RPL3L: variants seen among roughly 807,000 people sequenced by gnomAD.
The protein encoded by RPL3L is ribosomal protein L3 like.
In RPL3L, 44 loss-of-function variants were observed where a neutral mutation model predicts 44.5. The observed-to-expected ratio is 0.99, with a 90% CI of 0.78 to 1.27. RPL3L has a LOEUF of 1.27. Ranked by LOEUF, RPL3L falls within the 50% of genes most tolerant of loss-of-function variation. The pLI, the probability that RPL3L is intolerant of heterozygous loss-of-function variation, is 0.00. For synonymous variants in RPL3L, 292 were observed against 230.7 expected (o/e 1.27, Z -2.41); for missense variants, 631 against 569.1 (o/e 1.11, Z -1.11).
rs548613684 is a variant in RPL3L at position 1,953,884 on chromosome 16, C to T, written c.196+72G>A. ...ACTGTGGCCCTGTCTGGACCAAAAG[C>T]GTGAGTTCTGGCTCCGAGCATCTGG... On this transcript the variant is annotated intron_variant, in intron 2 of 9. Coordinates refer to ENST00000268661, the MANE Select transcript of RPL3L (RefSeq NM_005061.3). The T allele has an allele frequency of 6.0e-4, 827 of 1,375,338 alleles. 3 individuals are homozygous for T. Among genetic ancestry groups the T allele is most frequent in the South Asian group, 1.2e-3 (72 of 58,190 alleles). 85.2% of individuals were successfully genotyped at this position (1,375,338 alleles called of 1,614,324 possible). A position where few individuals can be genotyped will look rare whatever the true frequency, so the allele number is the denominator to read the frequency against.
chr16:1,950,211 T>C, intron 4 of RPL3L, among the ~76,000 whole-genome samples: 1 of 151,582 alleles, frequency 6.6e-6, no homozygotes, highest in East Asian at 1.9e-4. Flanking sequence ...GGGCAGGTAT[T>C]TACAGAGCAC....
At chr16:1,954,575 C>G (rs1248775109) in intron 1 of RPL3L, 54 bp downstream of exon 1, 3 of 1,519,228 alleles carry the variant, frequency 2.0e-6, no homozygotes, top group South Asian at 2.5e-5. Context: ...GCTGTCCCAC[C>G]CCCCCAGAGT....
At chr16:1,947,410 G>T (rs141895087) in intron 4 of RPL3L, 30 bp from the exon 5 acceptor site, 2 of 1,511,566 alleles carry the variant, frequency 1.3e-6, no homozygotes, top group African/African-American at 2.8e-5. Flanking sequence ...GTCACGCCAC[G>T]GCCCACGGGA....
intron 9 of RPL3L, among the ~76,000 whole-genome samples, 185 bp from the exon 10 acceptor site, chr16:1,945,078 G>C (rs572230718): frequency 6.6e-6 from 1 of 151,674 alleles, no homozygotes; most frequent in South Asian, 2.1e-4. Flanking sequence ...CCTGCAGGCC[G>C]GGCACGGTGG....
chr16:1,945,582 T>C lies in RPL3L; in HGVS notation c.1084A>G (p.Asn362Asp), dbSNP rs377762078. The C allele has an allele frequency of 6.2e-7, 1 of 1,613,828 alleles. No individual in the cohort carries two copies. Among genetic ancestry groups the C allele is most frequent in the African/African-American group, 1.3e-5 (1 of 74,986 alleles). ...GTGTCAATGAACTTGAGCTCAATAT[T>C]CTCCACGGCTTGGCGACTGTGATGC... is the stretch of plus-strand genomic sequence containing the variant. ...LVHHSRQAVE[N>D]IELKFIDTTS... The change falls in exon 9 of 10, where the codon AAT becomes GAT. Residue 362 changes from asparagine (N) to aspartate (D), a missense_variant. Asn to Asp is a conservative substitution (Grantham distance 23, BLOSUM62 1). Coordinates refer to ENST00000268661, the MANE Select transcript of RPL3L (RefSeq NM_005061.3).
At chr16:1,949,261 T>TTTC (rs2083151179) in intron 4 of RPL3L, among the ~76,000 whole-genome samples, 2 of 82,886 alleles carry the variant, frequency 2.4e-5, no homozygotes, top group Non-Finnish European at 4.8e-5. Context: ...TTTTTTTTCT[T>TTTC]TTTTTTTTTT....
At chr16:1,945,742 C>G (rs1032657263) in intron 8 of RPL3L, 93 bp downstream of exon 8, 14 of 1,603,412 alleles carry the variant, frequency 8.7e-6, no homozygotes, top group South Asian at 7.7e-5. Flanking sequence ...CCCTTCTGCT[C>G]CCACCACTCC....
At chr16:1,950,461 G>A (rs1468537904) in intron 4 of RPL3L, among the ~76,000 whole-genome samples, 1 of 152,084 alleles carries the variant, frequency 6.6e-6, no homozygotes, top group Non-Finnish European at 1.5e-5. Context: ...GAATAAGCTG[G>A]AGGGTGCCGC....
At chr16:1,954,417 C>T (rs942852861) in intron 1 of RPL3L, among the ~76,000 whole-genome samples, 1 of 152,112 alleles carries the variant, frequency 6.6e-6, no homozygotes, top group African/African-American at 2.4e-5. Flanking sequence ...GCCAAGGGCT[C>T]CTGGGGCAGG....
Position 1,944,657 on chromosome 16 carries a change from C to G in RPL3L, c.*180G>C. ...CACAGCCAGCTCTGTGTGAATTACT[C>G]TTTCTCTATTGCAATTCCCCTGTCT... On this transcript the variant is annotated 3_prime_UTR_variant, in exon 10 of 10. Transcript: ENST00000268661. The G allele has an allele frequency of 1.5e-6, 1 of 680,572 alleles. No homozygotes were observed. Among genetic ancestry groups the G allele is most frequent in the Non-Finnish European group, 2.6e-6 (1 of 386,536 alleles). 42.2% of individuals were successfully genotyped at this position (680,572 alleles called of 1,614,324 possible).
rs377171240 is a variant in RPL3L, at chr16:1,946,746, G to A, written c.850-20C>T. 9.3e-6 allele frequency: 15 copies of A among 1,610,920 alleles called. No homozygotes were observed. The South Asian group carries it at 1.5e-4, about 17-fold the overall frequency. On this transcript the variant is annotated intron_variant, in intron 6 of 9. Coordinates refer to ENST00000268661, the MANE Select transcript of RPL3L (RefSeq NM_005061.3). ...GAAGATCTGCCAGAAGGGGGCACAT[G>A]CCAGGGGCAGGAAGTGGCCTCTGAG...
intron 4 of RPL3L, among the ~76,000 whole-genome samples, chr16:1,948,915 C>T (rs1249632289): frequency 4.6e-5 from 7 of 151,888 alleles, no homozygotes; most frequent in South Asian, 4.1e-4. Context: ...GGGGTTTCAC[C>T]GCGTTAGCTA....
intron 3 of RPL3L, among the ~76,000 whole-genome samples, chr16:1,951,695 T>G (rs2083172727): frequency 6.6e-6 from 1 of 151,206 alleles, no homozygotes; most frequent in African/African-American, 2.4e-5. Flanking sequence ...AGCCATAGTT[T>G]CTAACCCTCA....
At chr16:1,954,364 G>A (rs1457766961) in intron 1 of RPL3L, among the ~76,000 whole-genome samples, 1 of 152,146 alleles carries the variant, frequency 6.6e-6, no homozygotes, top group African/African-American at 2.4e-5. Flanking sequence ...TCCTGCCTCT[G>A]TGGGCTCAGC....
Position 1,944,598 on chromosome 16 carries a change from G to A in RPL3L, c.*239C>T. ...CGCAAATGCTCAAAGAGATCGATTT[G>A]AGTAATAATAAAACATAAAACTCCG... On this transcript the variant is annotated 3_prime_UTR_variant, in exon 10 of 10. Coordinates refer to ENST00000268661, the MANE Select transcript of RPL3L (RefSeq NM_005061.3). 1 of 387,454 alleles carries A rather than the reference G, an allele frequency of 2.6e-6. No individual in the cohort carries two copies. Among genetic ancestry groups the A allele is most frequent in the Non-Finnish European group, 4.8e-6 (1 of 206,836 alleles). The allele number at this position is 387,454 out of a possible 1,614,324, so 24.0% of individuals were successfully genotyped here. A position where few individuals can be genotyped will look rare whatever the true frequency, so the allele number is the denominator to read the frequency against.
rs751827500 is a variant in RPL3L, at chr16:1,950,832, C to T, written c.501+12G>A. The T allele has an allele frequency of 6.2e-7, 1 of 1,613,936 alleles. No homozygotes were observed. The highest frequency in any genetic ancestry group is 1.1e-5 in the South Asian group (1 of 91,078). On this transcript the variant is annotated intron_variant, in intron 4 of 9. Coordinates refer to ENST00000268661, the MANE Select transcript of RPL3L (RefSeq NM_005061.3). Reference sequence around the variant, plus strand: ...CTAGGGACTGACCGACAGCGGAGGGCCGGGGGCTGACCTGAGTGTGGACAA... The same window carrying T: ...CTAGGGACTGACCGACAGCGGAGGGTCGGGGGCTGACCTGAGTGTGGACAA...
intron 2 of RPL3L, 61 bp from the exon 3 acceptor site, chr16:1,953,103 G>A: frequency 6.6e-7 from 1 of 1,520,366 alleles, no homozygotes; most frequent in Non-Finnish European, 8.8e-7. Context: ...GGGGGAGGGA[G>A]TGGAGAGCCG....
Position 1,947,323 on chromosome 16 carries a change from C to T in RPL3L, c.559G>A (p.Gly187Ser), listed in dbSNP as rs139587023. ...KAHIMEIQLN[G>S]GTVAEKVAWA... is the part of the protein sequence containing the mutation. ...GCCACCTTCTCGGCCACCGTGCCACCGTTCAGCTGGATCTCCATGATGTGG... is the reference window on the plus strand; with the variant it reads ...GCCACCTTCTCGGCCACCGTGCCACTGTTCAGCTGGATCTCCATGATGTGG... The change falls in exon 5 of 10, where the codon GGT becomes AGT. Residue 187 changes from glycine (G) to serine (S), a missense_variant. Gly to Ser is a moderately conservative substitution (Grantham distance 56, BLOSUM62 0). Coordinates refer to ENST00000268661, the MANE Select transcript of RPL3L (RefSeq NM_005061.3). The T allele has an allele frequency of 7.4e-5, 120 of 1,610,884 alleles. No homozygotes were observed. Among genetic ancestry groups the T allele is most frequent in the African/African-American group, 5.2e-4 (39 of 75,024 alleles).
Position 1,954,168 on chromosome 16 carries a change from G to C in RPL3L, c.4-20C>G. On this transcript the variant is annotated intron_variant, in intron 1 of 9. Transcript: ENST00000268661. ...GTGGGACTGGGGGGCAGGAAGGAAGGAGGTCAGACCTGGGGTGTCCCTGGT... is the reference window on the plus strand; with the variant it reads ...GTGGGACTGGGGGGCAGGAAGGAAGCAGGTCAGACCTGGGGTGTCCCTGGT... The C allele has an allele frequency of 6.4e-7, 1 of 1,550,946 alleles. No individual in the cohort carries two copies. The highest frequency in any genetic ancestry group is 8.7e-7 in the Non-Finnish European group (1 of 1,146,322).
Sources: allele counts gnomAD v4.1 joint callset (sites outside exome capture counted in the v4.1 genomes callset), GRCh38; gene constraint gnomAD v4.1.1; transcripts MANE v1.5; gene names NCBI Gene and HGNC (gene_info 2026-07-23, HGNC 2026-07-21).